Variants in PRKG1 observed in about 807,000 individuals in gnomAD.
PRKG1 encodes the protein protein kinase cGMP-dependent 1.
PRKG1 carries 35 observed loss-of-function variants against 88.1 expected under a neutral mutation model. The ratio of observed to expected loss-of-function variants is 0.40; its 90% CI spans 0.30 to 0.53. The LOEUF (loss-of-function observed/expected upper bound fraction) is 0.53, where lower values mean the gene tolerates loss of function less well. Ranked by LOEUF, PRKG1 falls within the 20% of genes least tolerant of loss-of-function variation. The pLI is 0.59. For synonymous variants in PRKG1, 303 were observed against 292.5 expected, an observed-to-expected ratio of 1.04 and a Z score of -0.37; for missense variants, 540 against 839.8, an observed-to-expected ratio of 0.64 and a Z score of 4.41.
chr10:51,641,072 A>T (rs1457840242), intron 3 of PRKG1, among the ~76,000 whole-genome samples: 1 of 152,048 alleles, frequency 6.6e-6, no homozygotes, highest in African/African-American at 2.4e-5. Flanking sequence ...AAAAAATCAG[A>T]TAATCAGAAA....
At chr10:52,260,004 T>G (rs2132414002) in intron 10 of PRKG1, among the ~76,000 whole-genome samples, 1 of 152,080 alleles carries the variant, frequency 6.6e-6, no homozygotes, top group East Asian at 1.9e-4. Flanking sequence ...TAATTTACTT[T>G]TATCTGAAAA....
chr10:51,448,279 CA>C (rs573480453), intron 2 of PRKG1, among the ~76,000 whole-genome samples: 27 of 151,900 alleles, frequency 1.8e-4, no homozygotes, highest in Non-Finnish European at 3.7e-4. Flanking sequence ...AGAAAATAAA[CA>C]AAAAAACTTT....
intron 4 of PRKG1, among the ~76,000 whole-genome samples, chr10:51,900,558 C>A (rs776102316): frequency 1.3e-5 from 2 of 152,150 alleles, no homozygotes; most frequent in South Asian, 4.1e-4. Flanking sequence ...TTCTTAATGT[C>A]ATATTTCTTA....
intron 3 of PRKG1, among the ~76,000 whole-genome samples, chr10:51,771,912 T>A (rs1838314243): frequency 6.6e-6 from 1 of 152,134 alleles, no homozygotes; most frequent in African/African-American, 2.4e-5. Context: ...TCCAAGCAAC[T>A]CTCTCAAAGA....
chr10:51,770,010 C>T (rs1838262821), intron 3 of PRKG1, among the ~76,000 whole-genome samples: 1 of 152,192 alleles, frequency 6.6e-6, no homozygotes, highest in African/African-American at 2.4e-5. Flanking sequence ...GCCAGTCTTC[C>T]CTAGGTTAAT....
At chr10:51,628,822 G>A (rs909739987) in intron 3 of PRKG1, among the ~76,000 whole-genome samples, 2 of 151,792 alleles carry the variant, frequency 1.3e-5, no homozygotes, top group African/African-American at 2.4e-5. Context: ...AGCCGGGCGC[G>A]GTGGCGGGCG....
At chr10:51,015,625 G>C (rs1028485110) in intron 1 of PRKG1, among the ~76,000 whole-genome samples, 2 of 152,210 alleles carry the variant, frequency 1.3e-5, no homozygotes, top group Non-Finnish European at 2.9e-5. Flanking sequence ...GGTAGCTCAT[G>C]CCTGTAATCC....
intron 2 of PRKG1, among the ~76,000 whole-genome samples, chr10:51,186,448 C>A (rs965692515): frequency 3.3e-5 from 5 of 151,084 alleles, no homozygotes; most frequent in Non-Finnish European, 4.4e-5. Flanking sequence ...TTTAATAATT[C>A]TTTCCTGACT....
intron 3 of PRKG1, among the ~76,000 whole-genome samples, chr10:51,684,131 G>A (rs199954673): frequency 6.6e-6 from 1 of 152,030 alleles, no homozygotes; most frequent in African/African-American, 2.4e-5. Context: ...CCATCAACTG[G>A]TGAATGAATA....
At chr10:51,733,076 A>AC (rs1012075563) in intron 3 of PRKG1, among the ~76,000 whole-genome samples, 14 of 152,032 alleles carry the variant, frequency 9.2e-5, no homozygotes, top group African/African-American at 3.4e-4. Flanking sequence ...AACAACAACA[A>AC]AAAAAACACA....
chr10:51,879,539 C>G (rs944846672), intron 4 of PRKG1, among the ~76,000 whole-genome samples: 43 of 152,218 alleles, frequency 2.8e-4, no homozygotes, highest in Non-Finnish European at 1.5e-5. Flanking sequence ...GAGTCACTTT[C>G]TCTGAGGTTT....
chr10:51,270,482 C>A (rs1028979563), intron 2 of PRKG1, among the ~76,000 whole-genome samples: 3 of 151,868 alleles, frequency 2.0e-5, no homozygotes, highest in African/African-American at 7.3e-5. Flanking sequence ...ATAAAATTTC[C>A]AAGCCATTCA....
intron 3 of PRKG1, among the ~76,000 whole-genome samples, chr10:51,717,187 G>A (rs567892241): frequency 2.0e-5 from 3 of 152,292 alleles, no homozygotes; most frequent in South Asian, 4.1e-4. Context: ...TAAGACTGGG[G>A]AAGCAGATGG....
At chr10:51,083,075 T>A (rs532284732) in intron 1 of PRKG1, among the ~76,000 whole-genome samples, 1 of 152,280 alleles carries the variant, frequency 6.6e-6, no homozygotes, top group East Asian at 1.9e-4. Context: ...ACCTTTCTTG[T>A]TTCTTTTTGA....
chr10:52,043,174 A>C (rs1186077881), intron 5 of PRKG1, among the ~76,000 whole-genome samples: 1 of 152,148 alleles, frequency 6.6e-6, no homozygotes, highest in East Asian at 1.9e-4. Flanking sequence ...TCCTCAAAAA[A>C]TTAGAAATAG....
upstream of PRKG1, chr10:51,074,301 C>A: frequency 2.3e-6 from 1 of 429,756 alleles, no homozygotes; most frequent in Non-Finnish European, 3.8e-6. Flanking sequence ...CTCCCCCGCG[C>A]CGCGGCGCCC....
chr10:51,093,559 C>A (rs190796393), intron 1 of PRKG1, among the ~76,000 whole-genome samples: 28 of 151,568 alleles, frequency 1.8e-4, no homozygotes, highest in African/African-American at 5.6e-4. Context: ...TATAGGTTTG[C>A]ATTTCTTTAG....
intron 9 of PRKG1, among the ~76,000 whole-genome samples, chr10:52,244,410 G>A (rs1840949625): frequency 1.3e-5 from 2 of 151,766 alleles, no homozygotes; most frequent in Admixed American, 6.6e-5. Flanking sequence ...GATGATTGAT[G>A]ACTTGATTAT....
chr10:51,096,465 A>C (rs1844532339), intron 1 of PRKG1, among the ~76,000 whole-genome samples: 1 of 152,152 alleles, frequency 6.6e-6, no homozygotes, highest in South Asian at 2.1e-4. Flanking sequence ...GAGTCAGAGA[A>C]ACCTGAATTC....
Sources: allele counts gnomAD v4.1 joint callset (sites outside exome capture counted in the v4.1 genomes callset), GRCh38; gene constraint gnomAD v4.1.1; transcripts MANE v1.5; gene names NCBI Gene and HGNC (gene_info 2026-07-23, HGNC 2026-07-21).